Variants in DGKD observed in about 807,000 individuals in gnomAD.
DGKD encodes diacylglycerol kinase delta.
A neutral mutation model predicts 154.4 loss-of-function variants in DGKD; 68 were observed. The ratio of observed to expected loss-of-function variants is 0.44; its 90% CI spans 0.36 to 0.54. The LOEUF is 0.54. Among genes scored for constraint, DGKD ranks in the 20% least tolerant of loss-of-function variants. The pLI, the probability that DGKD is intolerant of heterozygous loss-of-function variation, is 0.00. For missense variants in DGKD, 1,343 were observed against 1,593.6 expected, an observed-to-expected ratio of 0.84 and a Z score of 2.68; for synonymous variants, 693 against 638.0, an observed-to-expected ratio of 1.09 and a Z score of -1.30.
chr2:233,376,530 C>T (rs1702580065), intron 1 of DGKD, among the ~76,000 whole-genome samples: 1 of 152,080 alleles, frequency 6.6e-6, no homozygotes, highest in South Asian at 2.1e-4. Context: ...GCCCATGGTT[C>T]TGTGAAATGG....
Position 233,437,470 on chromosome 2 carries a change from G to A in DGKD, c.913G>A (p.Asp305Asn). The A allele has an allele frequency of 2.5e-6, 4 of 1,614,056 alleles. No homozygotes were observed. Among genetic ancestry groups the A allele is most frequent in the Non-Finnish European group, 3.4e-6 (4 of 1,179,964 alleles). ...VIPPTALNSI[D>N]SDGFWKASCP... ...CCCACCCACGGCTCTCAACAGCATC[G>A]ACTCCGATGGTGGGTACCACACATG... Residue 305 changes from aspartate to asparagine, a missense_variant, in exon 8 of 30, where the codon GAC (aspartate) becomes AAC (asparagine). Physicochemically the swap from Asp to Asn is conservative, Grantham distance 23 (BLOSUM62 1). Coordinates refer to ENST00000264057, the MANE Select transcript of DGKD (RefSeq NM_152879.3).
At chr2:233,400,544 T>C (rs1372162989) in intron 3 of DGKD, among the ~76,000 whole-genome samples, 1 of 152,212 alleles carries the variant, frequency 6.6e-6, no homozygotes, top group Non-Finnish European at 1.5e-5. Context: ...CTGCCTCTCC[T>C]CTCACGGCTC....
At chr2:233,426,345 A>G (rs1303508857) in intron 3 of DGKD, among the ~76,000 whole-genome samples, 1 of 152,070 alleles carries the variant, frequency 6.6e-6, no homozygotes, top group African/African-American at 2.4e-5. Flanking sequence ...CAAGTTCTGT[A>G]TCCTTTTTGA....
At position 233,364,079 on chromosome 2, in the gene DGKD, G is replaced by T. The variant is rs6747265; in HGVS notation, c.156+9405G>T. ...CACTCCAGCCTGGGCAACAGAGCGA[G>T]ACTTTGCTTCTAAAAACAAAAACCA... On this transcript the variant is annotated intron_variant, in intron 1 of 29. Transcript: ENST00000264057. Among the ~76,000 whole-genome samples, 901 of 152,318 alleles carry T rather than the reference G, an allele frequency of 5.9e-3. 13 individuals are homozygous for T. The highest frequency in any genetic ancestry group is 0.021 in the African/African-American group (863 of 41,566).
At chr2:233,464,316 C>A (rs900893245) in intron 27 of DGKD, 33 bp downstream of exon 27, 2 of 1,607,808 alleles carry the variant, frequency 1.2e-6, no homozygotes. Context: ...CCTGGGTCTC[C>A]CGGACATGGT....
intron 3 of DGKD, among the ~76,000 whole-genome samples, chr2:233,428,681 C>T (rs1249684515): frequency 6.6e-6 from 1 of 152,158 alleles, no homozygotes; most frequent in Non-Finnish European, 1.5e-5. Flanking sequence ...GGGAATGTGC[C>T]AGGCCCTGTG....
intron 16 of DGKD, 31 bp downstream of exon 16, chr2:233,450,162 C>G (rs746474077): frequency 1.3e-6 from 2 of 1,572,544 alleles, no homozygotes; most frequent in Non-Finnish European, 8.6e-7. Flanking sequence ...CTCTGCGCAC[C>G]GTCGTGTGCT....
intron 3 of DGKD, among the ~76,000 whole-genome samples, chr2:233,393,794 C>G (rs2125454140): frequency 6.6e-6 from 1 of 151,310 alleles, no homozygotes; most frequent in Non-Finnish European, 1.5e-5. Context: ...AGTGATTCTC[C>G]TGCCTCAGCC....
At chr2:233,428,347 T>G (rs2062385488) in intron 3 of DGKD, among the ~76,000 whole-genome samples, 1 of 152,180 alleles carries the variant, frequency 6.6e-6, no homozygotes, top group African/African-American at 2.4e-5. Flanking sequence ...CTGACTTATT[T>G]GGTGGGACTC....
At position 233,436,341 on chromosome 2, in the gene DGKD, A is replaced by G; in HGVS notation, c.719A>G (p.Glu240Gly). 1 of 1,614,196 alleles carries G rather than the reference A, an allele frequency of 6.2e-7. No homozygotes were observed. ...DGIAMPHQWL[E>G]GNLPVSAKCT... ...ATTGCAATGCCCCACCAGTGGTTGG[A>G]AGGAAACCTACCTGTGAGCGCCAAG... Residue 240 changes from glutamate (E) to glycine (G), a missense_variant, in exon 7 of 30, where the codon GAA becomes GGA. Glu to Gly is a moderately conservative substitution (Grantham distance 98, BLOSUM62 -2). This residue lies in a region of DGKD where 332 missense variants were observed against 400.1 expected (regional missense o/e 0.83). Transcript: ENST00000264057.
At chr2:233,432,162 T>C (rs572625875) in intron 3 of DGKD, among the ~76,000 whole-genome samples, 7 of 145,134 alleles carry the variant, frequency 4.8e-5, no homozygotes, top group South Asian at 2.1e-4. Context: ...GAGGCCAAGG[T>C]GGGCGGATCA....
chr2:233,451,813 C>T, intron 17 of DGKD, 151 bp from the exon 18 acceptor site: 1 of 655,982 alleles, frequency 1.5e-6, no homozygotes. Context: ...AGACTATTGG[C>T]AAAATTTGGA....
At chr2:233,358,198 A>C (rs1701616540) in intron 1 of DGKD, among the ~76,000 whole-genome samples, 1 of 152,248 alleles carries the variant, frequency 6.6e-6, no homozygotes, top group East Asian at 1.9e-4. Flanking sequence ...TAACACTCCG[A>C]CCAGCACATT....
chr2:233,409,787 G>GT (rs3075533), intron 3 of DGKD, among the ~76,000 whole-genome samples: 2,536 of 60,872 alleles, frequency 0.042, 204 homozygotes, highest in East Asian at 0.1. Context: ...CCCCCATACC[G>GT]TTTTTTTTTT....
At chr2:233,377,837 G>A (rs1702661118) in intron 1 of DGKD, among the ~76,000 whole-genome samples, 1 of 152,080 alleles carries the variant, frequency 6.6e-6, no homozygotes, top group African/African-American at 2.4e-5. Flanking sequence ...TTGAGATAGA[G>A]TCTTGCTCTG....
At chr2:233,386,286 T>C (rs1179592985) in intron 1 of DGKD, 2 of 285,870 alleles carry the variant, frequency 7.0e-6, no homozygotes, top group African/African-American at 4.4e-5. Context: ...AGAGAAAGGG[T>C]CTCGTGGTAT....
intron 1 of DGKD, among the ~76,000 whole-genome samples, chr2:233,357,859 C>T (rs1001668375): frequency 5.9e-5 from 9 of 152,130 alleles, no homozygotes; most frequent in African/African-American, 2.2e-4. Context: ...CTAACAAGCT[C>T]CCAGAAGATG....
chr2:233,429,961 T>C (rs2062455165), intron 3 of DGKD, among the ~76,000 whole-genome samples: 1 of 152,266 alleles, frequency 6.6e-6, no homozygotes, highest in African/African-American at 2.4e-5. Flanking sequence ...GCACTTTCTA[T>C]GGTTTCTGAG....
At chr2:233,356,362 C>T (rs904560583) in intron 1 of DGKD, among the ~76,000 whole-genome samples, 2 of 152,066 alleles carry the variant, frequency 1.3e-5, no homozygotes, top group East Asian at 3.9e-4. Flanking sequence ...CAAGAGGTGG[C>T]CACAGAGGAT....
Sources: gnomAD v4.1 joint callset for allele counts (sites outside exome capture counted in the v4.1 genomes callset) on GRCh38, gnomAD v4.1.1 for gene constraint, gnomAD v4.1.1 regional missense constraint, MANE v1.5 for transcripts, NCBI Gene and HGNC (gene_info 2026-07-23, HGNC 2026-07-21) for gene names.